SPMAP2L: variants seen among roughly 807,000 people sequenced by gnomAD.
SPMAP2L encodes sperm microtubule associated protein 2 like.
the SPMAP2L span, among the ~76,000 whole-genome samples, chr4:56,585,096 G>A: frequency 3.3e-5 from 5 of 152,214 alleles, no homozygotes; most frequent in East Asian, 7.7e-4. Context: ...CAGCTTCATT[G>A]GAATCTGCCT....
the SPMAP2L span, among the ~76,000 whole-genome samples, chr4:56,559,679 T>G: frequency 6.6e-6 from 1 of 152,158 alleles, no homozygotes; most frequent in Non-Finnish European, 1.5e-5. Context: ...GCGATTCTCC[T>G]GCCTCAGCCT....
chr4:56,588,490 G>GGTGC, the SPMAP2L span, among the ~76,000 whole-genome samples: 2 of 150,720 alleles, frequency 1.3e-5, no homozygotes, highest in Non-Finnish European at 2.9e-5. Context: ...GGAGTGCAAT[G>GGTGC]GTGCGATCTT....
the SPMAP2L span, among the ~76,000 whole-genome samples, chr4:56,555,553 T>A: frequency 3.9e-5 from 6 of 152,316 alleles, no homozygotes; most frequent in African/African-American, 9.6e-5. Context: ...AAGCCAGGAA[T>A]AATTGATATC....
the SPMAP2L span, chr4:56,595,754 G>A: frequency 1.2e-6 from 1 of 850,500 alleles, no homozygotes; most frequent in Non-Finnish European, 2.1e-6. Context: ...GACTGATTTG[G>A]TGCCTCTCCC....
At chr4:56,596,273 C>T in the SPMAP2L span, among the ~76,000 whole-genome samples, 30 of 151,794 alleles carry the variant, frequency 2.0e-4, no homozygotes, top group Middle Eastern at 0.01. Flanking sequence ...GAAAACAAAA[C>T]ACAACAACAA....
At chr4:56,572,342 A>G in the SPMAP2L span, among the ~76,000 whole-genome samples, 17 of 152,364 alleles carry the variant, frequency 1.1e-4, no homozygotes, top group African/African-American at 4.1e-4. Flanking sequence ...CAGCTCCAGT[A>G]CAATCCAGTA....
the SPMAP2L span, among the ~76,000 whole-genome samples, chr4:56,561,165 A>G: frequency 6.6e-6 from 1 of 152,246 alleles, no homozygotes; most frequent in Non-Finnish European, 1.5e-5. Context: ...GAATTAAATA[A>G]TATTTTCAAA....
At chr4:56,599,426 G>A in the SPMAP2L span, among the ~76,000 whole-genome samples, 15 of 151,862 alleles carry the variant, frequency 9.9e-5, no homozygotes, top group South Asian at 2.1e-4. Context: ...ATACATGTGC[G>A]GAATGTGCAG....
the SPMAP2L span, among the ~76,000 whole-genome samples, chr4:56,556,025 GGA>G: frequency 6.6e-6 from 1 of 152,096 alleles, no homozygotes; most frequent in African/African-American, 2.4e-5. Flanking sequence ...TAGAAAAATT[GGA>G]GACATTATTT....
At chr4:56,583,549 A>G in the SPMAP2L span, among the ~76,000 whole-genome samples, 1 of 152,184 alleles carries the variant, frequency 6.6e-6, no homozygotes, top group Non-Finnish European at 1.5e-5. Context: ...TTGAGAAAAA[A>G]AATTTTCCAT....
chr4:56,601,844 A>T, the SPMAP2L span, among the ~76,000 whole-genome samples: 1 of 152,166 alleles, frequency 6.6e-6, no homozygotes, highest in Non-Finnish European at 1.5e-5. Context: ...TATCTAACAT[A>T]TATTATTAAG....
the SPMAP2L span, among the ~76,000 whole-genome samples, chr4:56,540,762 C>T: frequency 3.3e-5 from 5 of 152,076 alleles, no homozygotes; most frequent in South Asian, 2.1e-4. Context: ...AAAGAAGCAC[C>T]GCTGCTATTT....
the SPMAP2L span, among the ~76,000 whole-genome samples, chr4:56,585,813 T>C: frequency 6.6e-6 from 1 of 152,208 alleles, no homozygotes; most frequent in Non-Finnish European, 1.5e-5. Flanking sequence ...CTGCACGCCA[T>C]GGACTACAGT....
the SPMAP2L span, among the ~76,000 whole-genome samples, chr4:56,540,564 A>ATCAGAAGGT: frequency 8.8e-4 from 134 of 152,118 alleles, no homozygotes; most frequent in African/African-American, 3.1e-3. Context: ...AAAGCCATAT[A>ATCAGAAGGT]ATACCTTCTG....
At chr4:56,552,973 G>C in the SPMAP2L span, among the ~76,000 whole-genome samples, 1 of 152,124 alleles carries the variant, frequency 6.6e-6, no homozygotes, top group South Asian at 2.1e-4. Flanking sequence ...GAAACTTTTT[G>C]TGCATTCTCC....
the SPMAP2L span, chr4:56,596,413 C>T: frequency 7.4e-7 from 1 of 1,354,632 alleles, no homozygotes; most frequent in Non-Finnish European, 9.5e-7. Context: ...AAGTCTGGCC[C>T]AGAGGTCAAA....
chr4:56,578,503 A>G, the SPMAP2L span, among the ~76,000 whole-genome samples: 2 of 152,180 alleles, frequency 1.3e-5, no homozygotes, highest in South Asian at 4.1e-4. Context: ...ATTACATTAA[A>G]TGTACATTAC....
the SPMAP2L span, among the ~76,000 whole-genome samples, chr4:56,569,140 G>A: frequency 1.8e-4 from 28 of 152,306 alleles, no homozygotes; most frequent in African/African-American, 6.3e-4. Context: ...TTGTGTGAAT[G>A]TATGTTTTCA....
At chr4:56,590,899 C>T in the SPMAP2L span, among the ~76,000 whole-genome samples, 12 of 152,130 alleles carry the variant, frequency 7.9e-5, no homozygotes, top group African/African-American at 1.9e-4. Context: ...TTTGTTGTGT[C>T]GTACAAAGAG....
Sources: allele counts gnomAD v4.1 joint callset (sites outside exome capture counted in the v4.1 genomes callset), GRCh38; gene constraint gnomAD v4.1.1; transcripts MANE v1.5; gene names NCBI Gene and HGNC (gene_info 2026-07-23, HGNC 2026-07-21).